The following PTPRD variants were observed in gnomAD, a reference collection of about 807,000 sequenced individuals.
PTPRD encodes receptor-type tyrosine-protein phosphatase delta.
A neutral mutation model predicts 214.5 loss-of-function variants in PTPRD; 34 were observed. The observed-to-expected ratio is 0.16, with a 90% confidence interval of 0.12 to 0.21. PTPRD has a LOEUF of 0.21. Among genes scored for constraint, PTPRD ranks in the 10% least tolerant of loss-of-function variants. The pLI is 1.00. For synonymous variants in PTPRD, 1,128 were observed against 845.7 expected, an observed-to-expected ratio of 1.33 and a Z score of -5.79; for missense variants, 2,545 against 2,398.7, an observed-to-expected ratio of 1.06 and a Z score of -1.27.
At chr9:9,966,770 A>C (rs2094733333) in intron 4 of PTPRD, among the ~76,000 whole-genome samples, 1 of 152,148 alleles carries the variant, frequency 6.6e-6, no homozygotes, top group Non-Finnish European at 1.5e-5. Context: ...GACAGGAGGA[A>C]GATTAACTTA....
chr9:9,512,523 T>C (rs1369100256), intron 8 of PTPRD, among the ~76,000 whole-genome samples: 1 of 151,910 alleles, frequency 6.6e-6, no homozygotes, highest in African/African-American at 2.4e-5. Flanking sequence ...GGCATTTCAG[T>C]GATAAAAATG....
chr9:9,325,483 GCTCT>G (rs1195795728), intron 9 of PTPRD, among the ~76,000 whole-genome samples: 2 of 151,930 alleles, frequency 1.3e-5, no homozygotes, highest in African/African-American at 2.4e-5. Flanking sequence ...TCATTATTTG[GCTCT>G]CTGTTTGTCT....
chr9:8,806,783 T>C (rs983371367), intron 11 of PTPRD, among the ~76,000 whole-genome samples: 1 of 152,100 alleles, frequency 6.6e-6, no homozygotes, highest in African/African-American at 2.4e-5. Flanking sequence ...CTGTTAGAAA[T>C]ATATTTTAAA....
intron 8 of PTPRD, among the ~76,000 whole-genome samples, chr9:9,438,505 T>C (rs1035975956): frequency 6.6e-6 from 1 of 152,212 alleles, no homozygotes; most frequent in African/African-American, 2.4e-5. Context: ...AAATAATTTA[T>C]ATATGTACAG....
chr9:9,142,299 A>T (rs1444066618), intron 10 of PTPRD, among the ~76,000 whole-genome samples: 1 of 152,218 alleles, frequency 6.6e-6, no homozygotes, highest in Non-Finnish European at 1.5e-5. Flanking sequence ...CACCAGGATG[A>T]CTGGCATAAG....
At chr9:8,899,402 G>A (rs933995201) in intron 11 of PTPRD, among the ~76,000 whole-genome samples, 1 of 152,100 alleles carries the variant, frequency 6.6e-6, no homozygotes, top group Non-Finnish European at 1.5e-5. Context: ...TCAAGGGATG[G>A]GATTGTGTCT....
chr9:10,190,539 G>A (rs542823959), intron 3 of PTPRD, among the ~76,000 whole-genome samples: 14 of 150,824 alleles, frequency 9.3e-5, no homozygotes, highest in Admixed American at 6.0e-4. Context: ...CCAACATGGC[G>A]AAACCCCATC....
At chr9:8,358,817 A>G (rs902880729) in intron 39 of PTPRD, among the ~76,000 whole-genome samples, 7 of 152,096 alleles carry the variant, frequency 4.6e-5, no homozygotes, top group Non-Finnish European at 8.8e-5. Context: ...CTCAGGAAAA[A>G]AAAATGTAAT....
chr9:10,230,406 A>G (rs2099604636), intron 3 of PTPRD, among the ~76,000 whole-genome samples: 1 of 151,224 alleles, frequency 6.6e-6, no homozygotes, highest in Admixed American at 6.6e-5. Flanking sequence ...CTATCTCTCT[A>G]TGTATCTATC....
At chr9:8,556,033 T>C (rs1390558352) in intron 14 of PTPRD, among the ~76,000 whole-genome samples, 2 of 152,206 alleles carry the variant, frequency 1.3e-5, no homozygotes, top group Non-Finnish European at 2.9e-5. Context: ...GGAAAGAGCA[T>C]GCTACCCTTT....
chr9:8,907,530 A>AT (rs1447139370), intron 11 of PTPRD, among the ~76,000 whole-genome samples: 54 of 136,624 alleles, frequency 4.0e-4, no homozygotes, highest in Admixed American at 1.1e-3. Flanking sequence ...AAAAAAAAAA[A>AT]AAAATATATA....
At chr9:9,245,689 C>G (rs2099972741) in intron 9 of PTPRD, among the ~76,000 whole-genome samples, 1 of 152,076 alleles carries the variant, frequency 6.6e-6, no homozygotes, top group Admixed American at 6.6e-5. Flanking sequence ...TTGATGGGTG[C>G]AGCACACCAA....
chr9:8,710,926 G>T (rs1025525389), intron 12 of PTPRD, among the ~76,000 whole-genome samples: 4 of 152,080 alleles, frequency 2.6e-5, no homozygotes, highest in African/African-American at 9.7e-5. Context: ...TAAGCACTTT[G>T]ATTATCAAAA....
chr9:9,117,977 A>T (rs1323736330), intron 10 of PTPRD, among the ~76,000 whole-genome samples: 2 of 152,162 alleles, frequency 1.3e-5, no homozygotes. Flanking sequence ...TTAAAATTAC[A>T]ACTATAAATT....
At chr9:8,559,403 C>T (rs2085272217) in intron 14 of PTPRD, among the ~76,000 whole-genome samples, 2 of 152,162 alleles carry the variant, frequency 1.3e-5, no homozygotes, top group African/African-American at 4.8e-5. Context: ...TTCAAATGTT[C>T]ATATTGTATC....
chr9:10,352,903 C>T (rs2097206613), intron 2 of PTPRD, among the ~76,000 whole-genome samples: 1 of 151,916 alleles, frequency 6.6e-6, no homozygotes, highest in African/African-American at 2.4e-5. Flanking sequence ...TTCCTAAATG[C>T]TGCAATACCT....
chr9:8,806,520 A>G (rs755608573), intron 11 of PTPRD, among the ~76,000 whole-genome samples: 2 of 152,182 alleles, frequency 1.3e-5, no homozygotes, highest in Non-Finnish European at 2.9e-5. Context: ...ACCCCCTTTT[A>G]CATTGACTTC....
At chr9:9,813,860 C>T (rs912157712) in intron 5 of PTPRD, among the ~76,000 whole-genome samples, 5 of 143,308 alleles carry the variant, frequency 3.5e-5, no homozygotes, top group African/African-American at 1.4e-4. Context: ...AAATCCTCAA[C>T]AAAATATTAG....
chr9:9,022,026 G>T (rs117376590), intron 10 of PTPRD, among the ~76,000 whole-genome samples: 4,700 of 151,952 alleles, frequency 0.031, 82 homozygotes, highest in East Asian at 0.068. Context: ...TAATGCATGC[G>T]GGGCTTAAAA....
Sources: gnomAD v4.1 joint callset for allele counts (sites outside exome capture counted in the v4.1 genomes callset) on GRCh38, gnomAD v4.1.1 for gene constraint, MANE v1.5 for transcripts, NCBI Gene and HGNC (gene_info 2026-07-23, HGNC 2026-07-21) for gene names.